ZCCHC14: variants seen among roughly 807,000 people sequenced by gnomAD.
ZCCHC14 encodes zinc finger CCHC-type containing 14.
In ZCCHC14, 16 loss-of-function variants were observed where a neutral mutation model predicts 85.0. The ratio of observed to expected loss-of-function variants is 0.19; its 90% CI spans 0.13 to 0.29. The LOEUF (loss-of-function observed/expected upper bound fraction) is 0.29, where lower values mean the gene tolerates loss of function less well. Among genes scored for constraint, ZCCHC14 ranks in the 10% least tolerant of loss-of-function variants. The pLI is 1.00. For synonymous variants in ZCCHC14, 775 were observed against 630.7 expected (o/e 1.23, Z -3.43); for missense variants, 1,303 against 1,443.5 (o/e 0.90, Z 1.58).
intron 1 of ZCCHC14, among the ~76,000 whole-genome samples, chr16:87,468,737 G>A (rs1911647287): frequency 6.6e-6 from 1 of 152,242 alleles, no homozygotes. Flanking sequence ...TCTGTGAACT[G>A]GGGTGGGGAT....
intron 1 of ZCCHC14, among the ~76,000 whole-genome samples, chr16:87,479,335 G>C (rs1051210091): frequency 7.9e-5 from 12 of 151,016 alleles, no homozygotes; most frequent in Non-Finnish European, 1.5e-4. Flanking sequence ...AGAGTCGCTT[G>C]AACCCGGGAG....
chr16:87,461,759 G>A (rs1911270105), intron 1 of ZCCHC14, among the ~76,000 whole-genome samples: 1 of 152,228 alleles, frequency 6.6e-6, no homozygotes. Flanking sequence ...ACCAGCACCT[G>A]CTGTATTCCA....
At position 87,412,338 on chromosome 16, in the gene ZCCHC14, G is replaced by A; in HGVS notation, c.2383C>T (p.Pro795Ser). 6.2e-7 allele frequency: 1 copy of A among 1,614,134 alleles called. No homozygotes were observed. The change falls in exon 12 of 13, where the codon CCT (proline) becomes TCT (serine). Residue 795 changes from proline (P) to serine (S), a missense_variant. Coordinates refer to ENST00000671377, the MANE Select transcript of ZCCHC14 (RefSeq NM_015144.3). ...GGCACACTTATTTGCACATTATTAGGACAGGAAGTTTGCCCAGAAATGGCA... is the reference window on the plus strand; with the variant it reads ...GGCACACTTATTTGCACATTATTAGAACAGGAAGTTTGCCCAGAAATGGCA... ...DSAISGQTSC[P>S]NNVQISVPPA...
At chr16:87,462,181 T>G (rs746893033) in intron 1 of ZCCHC14, among the ~76,000 whole-genome samples, 6 of 151,334 alleles carry the variant, frequency 4.0e-5, no homozygotes, top group Non-Finnish European at 8.8e-5. Flanking sequence ...ATTCTTTGGA[T>G]AACTTAATAA....
At chr16:87,415,722 G>A (rs1567510083) in intron 8 of ZCCHC14, among the ~76,000 whole-genome samples, 1 of 152,134 alleles carries the variant, frequency 6.6e-6, no homozygotes, top group African/African-American at 2.4e-5. Flanking sequence ...ATGCTTTGGG[G>A]CAGGTGACTA....
chr16:87,488,983 T>G (rs1219301999), intron 1 of ZCCHC14, among the ~76,000 whole-genome samples: 2 of 152,284 alleles, frequency 1.3e-5, no homozygotes, highest in South Asian at 4.1e-4. Flanking sequence ...CAAAATAAAA[T>G]ACAACAGCTT....
At chr16:87,452,906 G>C (rs1280635572) in intron 2 of ZCCHC14, among the ~76,000 whole-genome samples, 5 of 152,332 alleles carry the variant, frequency 3.3e-5, no homozygotes, top group South Asian at 2.1e-4. Context: ...ACAGGGAGGA[G>C]GGCTCAGGTG....
At chr16:87,436,034 A>T (rs555840981) in intron 2 of ZCCHC14, among the ~76,000 whole-genome samples, 5 of 152,366 alleles carry the variant, frequency 3.3e-5, no homozygotes, top group African/African-American at 9.6e-5. Flanking sequence ...TATAGTGTCA[A>T]TGAATACAGA....
At chr16:87,489,855 G>A (rs984178840) in intron 1 of ZCCHC14, among the ~76,000 whole-genome samples, 2 of 152,188 alleles carry the variant, frequency 1.3e-5, no homozygotes, top group African/African-American at 4.8e-5. Context: ...AGGCACCCGT[G>A]CTCACACATT....
intron 8 of ZCCHC14, among the ~76,000 whole-genome samples, chr16:87,416,448 C>A (rs920298337): frequency 6.6e-6 from 1 of 152,072 alleles, no homozygotes; most frequent in African/African-American, 2.4e-5. Flanking sequence ...TTAGTAAAAT[C>A]TCTGCTTTTT....
Position 87,412,377 on chromosome 16 carries a change from C to A in ZCCHC14, c.2344G>T (p.Val782Phe), listed in dbSNP as rs781731775. The change falls in exon 12 of 13, where the codon GTT (valine) becomes TTT (phenylalanine). Residue 782 changes from valine (V) to phenylalanine (F), a missense_variant. Coordinates refer to ENST00000671377, the MANE Select transcript of ZCCHC14 (RefSeq NM_015144.3). The part of the protein sequence containing the change: ...PPIKLLLSSS[V>F]PADSAISGQT... ...CCAGAAATGGCAGAATCAGCAGGAA[C>A]AGATGACGACAGCAGCAGTTTGATG... 1.9e-6 allele frequency: 3 copies of A among 1,614,068 alleles called. No individual in the cohort carries two copies. Among genetic ancestry groups the A allele is most frequent in the East Asian group, 2.2e-5 (1 of 44,898 alleles).
Position 87,420,614 on chromosome 16 carries a change from C to T in ZCCHC14, c.943G>A (p.Gly315Ser), listed in dbSNP as rs1909044569. 1 of 1,612,774 alleles carries T rather than the reference C, an allele frequency of 6.2e-7. No homozygotes were observed. ...VERNHVDLDS[G>S]LRYLASLPSH... Reference sequence around the variant, plus strand: ...GCCTGGTAAGGGCCTCACCTCAGGCCTGAGTCCAGATCCACGTGGTTTCGC... The same window carrying T: ...GCCTGGTAAGGGCCTCACCTCAGGCTTGAGTCCAGATCCACGTGGTTTCGC... The change falls in exon 5 of 13, where the codon GGC (glycine) becomes AGC (serine). Residue 315 changes from glycine to serine, a missense_variant. Coordinates refer to ENST00000671377, the MANE Select transcript of ZCCHC14 (RefSeq NM_015144.3). This position sits in a 1 kb window ranked among gnomAD's most constrained non-coding sequence, Gnocchi z 5.0.
At chr16:87,417,105 G>A (rs541844671) in intron 8 of ZCCHC14, among the ~76,000 whole-genome samples, 1 of 152,338 alleles carries the variant, frequency 6.6e-6, no homozygotes, top group South Asian at 2.1e-4. Flanking sequence ...GCCCGCCGCA[G>A]TGTCTGCGCC....
At chr16:87,426,036 G>A (rs1909352272) in intron 3 of ZCCHC14, among the ~76,000 whole-genome samples, 1 of 152,234 alleles carries the variant, frequency 6.6e-6, no homozygotes, top group African/African-American at 2.4e-5. Context: ...ACTTGCAGGT[G>A]CAGCTCACAT....
At chr16:87,464,143 C>T (rs1205120225) in intron 1 of ZCCHC14, among the ~76,000 whole-genome samples, 2 of 152,232 alleles carry the variant, frequency 1.3e-5, no homozygotes, top group African/African-American at 2.4e-5. Flanking sequence ...AAAGGAAAGC[C>T]AGCCTCCCAA....
At chr16:87,444,595 G>A (rs78499731) in intron 2 of ZCCHC14, among the ~76,000 whole-genome samples, 2,472 of 152,254 alleles carry the variant, frequency 0.016, 24 homozygotes, top group Middle Eastern at 0.038. Context: ...TGTACCACCC[G>A]ACAGGACACA....
At chr16:87,434,667 C>T (rs1597415947) in intron 2 of ZCCHC14, among the ~76,000 whole-genome samples, 1 of 152,192 alleles carries the variant, frequency 6.6e-6, no homozygotes, top group African/African-American at 2.4e-5. Flanking sequence ...CACAAGGTCA[C>T]GGCCACCTCA....
intron 2 of ZCCHC14, among the ~76,000 whole-genome samples, chr16:87,455,526 G>C (rs912524544): frequency 4.6e-5 from 7 of 152,166 alleles, no homozygotes; most frequent in African/African-American, 1.7e-4. Flanking sequence ...TCCTACAGAA[G>C]CTCTTCTACG....
Position 87,420,318 on chromosome 16 carries a change from C to T in ZCCHC14, c.950+289G>A, listed in dbSNP as rs756937383. Among the ~76,000 whole-genome samples the T allele has an allele frequency of 3.7e-4, 56 of 152,226 alleles. No individual in the cohort carries two copies. Among genetic ancestry groups the T allele is most frequent in the Non-Finnish European group, 6.6e-4 (45 of 68,048 alleles). On this transcript the variant is annotated intron_variant, in intron 5 of 12. Transcript: ENST00000671377. The surrounding 1 kb of genome is among the most constrained non-coding windows in gnomAD (Gnocchi z 5.0). ...ATCTGGGAATAGTCTCAACCTTGGA[C>T]TACAGGATGGAAACAGCAGCCCAGG...
Sources: allele counts gnomAD v4.1 joint callset (sites outside exome capture counted in the v4.1 genomes callset), GRCh38; gene constraint gnomAD v4.1.1; non-coding constraint Gnocchi (gnomAD v3.1); transcripts MANE v1.5; gene names NCBI Gene and HGNC (gene_info 2026-07-23, HGNC 2026-07-21).